ZER1: variants seen among roughly 807,000 people sequenced by gnomAD.
ZER1 encodes the protein zyg-11 related cell cycle regulator.
Under a neutral mutation model 78.8 loss-of-function variants are expected in ZER1, and 11 were observed. The ratio of observed to expected loss-of-function variants is 0.14; its 90% CI spans 0.09 to 0.23. The LOEUF (loss-of-function observed/expected upper bound fraction) is 0.23. ZER1 is among the 10% of genes least tolerant of loss of function. ZER1 has a pLI of 1.00. For missense variants in ZER1, 588 were observed against 996.9 expected, an observed-to-expected ratio of 0.59 and a Z score of 5.52; for synonymous variants, 400 against 407.0, an observed-to-expected ratio of 0.98 and a Z score of 0.21.
At chr9:128,761,611 T>G (rs1191409761) in intron 1 of ZER1, among the ~76,000 whole-genome samples, 11 of 145,298 alleles carry the variant, frequency 7.6e-5, no homozygotes, top group East Asian at 2.1e-4. Context: ...TTGTTTTTTT[T>G]TTTTTTTTTT....
intron 9 of ZER1, 52 bp downstream of exon 9, chr9:128,742,478 G>C (rs1863334988): frequency 3.8e-6 from 6 of 1,599,308 alleles, no homozygotes; most frequent in Non-Finnish European, 5.1e-6. Context: ...GTAGAGGGGT[G>C]GGGGAGAGCA....
In ZER1 at chr9:128,740,047, C is replaced by T; in HGVS notation, c.1926G>A (p.Met642Ile). Residue 642 changes from methionine (M) to isoleucine (I), a missense_variant, in exon 13 of 16, where the codon ATG becomes ATA. Transcript: ENST00000291900. The surrounding 1 kb of genome is among the most constrained non-coding windows in gnomAD (Gnocchi z 4.4). ...YNACGVLSHI[M>I]FDGPEAWGVC... ...CGCCCCAGGCCTCGGGTCCATCAAACATGATGTGGGAGAGGACGCCGCAGG... is the reference window on the plus strand; with the variant it reads ...CGCCCCAGGCCTCGGGTCCATCAAATATGATGTGGGAGAGGACGCCGCAGG... 1 of 1,614,040 alleles carries T rather than the reference C, an allele frequency of 6.2e-7. No individual in the cohort carries two copies. Among genetic ancestry groups the T allele is most frequent in the Non-Finnish European group, 8.5e-7 (1 of 1,179,952 alleles).
At chr9:128,741,939 A>G in intron 9 of ZER1, 98 bp from the exon 10 acceptor site, 1 of 1,491,530 alleles carries the variant, frequency 6.7e-7, no homozygotes, top group Non-Finnish European at 9.3e-7. Context: ...CGCCATGGCT[A>G]GTTCAGGAGT....
intron 1 of ZER1, among the ~76,000 whole-genome samples, chr9:128,770,858 T>C (rs79861197): frequency 0.024 from 3,701 of 152,162 alleles, 152 homozygotes; most frequent in African/African-American, 0.084. Context: ...AGACATTCCA[T>C]TCCCCTCCCC....
At chr9:128,739,167 C>T (rs1006052313) in intron 13 of ZER1, among the ~76,000 whole-genome samples, 1 of 151,766 alleles carries the variant, frequency 6.6e-6, no homozygotes, top group South Asian at 2.1e-4. Flanking sequence ...TAAAATTTTT[C>T]GTAAAGAGGA....
intron 9 of ZER1, 135 bp downstream of exon 9, chr9:128,742,395 A>G: frequency 9.9e-7 from 1 of 1,011,028 alleles, no homozygotes; most frequent in Admixed American, 2.2e-5. Context: ...TCTAGCCTAA[A>G]TCCCTCATGC....
intron 8 of ZER1, among the ~76,000 whole-genome samples, chr9:128,749,455 T>C (rs901034792): frequency 6.6e-6 from 1 of 152,086 alleles, no homozygotes; most frequent in Non-Finnish European, 1.5e-5. Context: ...ATATTGCCCA[T>C]CTGAAATGAA....
At chr9:128,734,067 G>A (rs1354401812) in intron 14 of ZER1, among the ~76,000 whole-genome samples, 1 of 98,362 alleles carries the variant, frequency 1.0e-5, no homozygotes, top group African/African-American at 3.6e-5. Context: ...GGCGGAGCTT[G>A]CAGTGAGTCG....
chr9:128,750,048 A>C (rs1309819387), intron 8 of ZER1, among the ~76,000 whole-genome samples: 1 of 152,206 alleles, frequency 6.6e-6, no homozygotes, highest in Non-Finnish European at 1.5e-5. Context: ...CATCTCAAAA[A>C]AGAAAAAAAT....
chr9:128,746,138 C>G (rs139658695), intron 8 of ZER1: 1 of 152,238 alleles, frequency 6.6e-6, no homozygotes, highest in East Asian at 1.9e-4. Context: ...CTGTGCCCGG[C>G]CTTTTTCAAA....
chr9:128,745,208 T>A, intron 8 of ZER1, among the ~76,000 whole-genome samples: 1 of 150,582 alleles, frequency 6.6e-6, no homozygotes, highest in East Asian at 1.9e-4. Context: ...GGTTTTTTTT[T>A]TTTTTTTTTT....
At chr9:128,746,220 G>A (rs1317876833) in intron 8 of ZER1, 1 of 152,202 alleles carries the variant, frequency 6.6e-6, no homozygotes, top group Non-Finnish European at 1.5e-5. Flanking sequence ...TAGGTCAAAA[G>A]ATAGATGCAT....
In ZER1 at chr9:128,755,996, G is replaced by C. The variant is rs750760611; in HGVS notation, c.-94-337C>G. ...GAGCTACACTGGGGTGTTCCATGCT[G>C]TGCAGTACTTCCTAACCTGTATACA... On this transcript the variant is annotated intron_variant, in intron 1 of 15. Transcript: ENST00000291900. This position sits in a 1 kb window ranked among gnomAD's most constrained non-coding sequence, Gnocchi z 5.6. 8.5e-5 allele frequency among the ~76,000 whole-genome samples: 13 copies of C among 152,180 alleles called. No homozygotes were observed. The highest frequency in any genetic ancestry group is 1.5e-4 in the Non-Finnish European group (10 of 68,042).
chr9:128,752,074 C>T (rs1863697193), intron 5 of ZER1, among the ~76,000 whole-genome samples: 1 of 152,180 alleles, frequency 6.6e-6, no homozygotes, highest in Non-Finnish European at 1.5e-5. Context: ...AGGTGCTGTT[C>T]CCTCTGCTAG....
intron 1 of ZER1, among the ~76,000 whole-genome samples, chr9:128,760,354 C>T (rs925684889): frequency 6.6e-6 from 1 of 152,120 alleles, no homozygotes; most frequent in Non-Finnish European, 1.5e-5. Context: ...AGGCGTGTGC[C>T]ACCACGCCCG....
In ZER1 at chr9:128,740,701, ACTGAGCAAAC is replaced by A; in HGVS notation, c.1853+61_1853+70del. 1 of 740,984 alleles carries A rather than the reference ACTGAGCAAAC, an allele frequency of 1.3e-6. No homozygotes were observed. Among genetic ancestry groups the A allele is most frequent in the Admixed American group, 1.9e-5 (1 of 51,594 alleles). 45.9% of individuals were successfully genotyped at this position (740,984 alleles called of 1,614,324 possible). A position where few individuals can be genotyped will look rare whatever the true frequency, so the allele number is the denominator to read the frequency against. ...AACCTAGGCTAAGAGCAGTTGTGCA[ACTGAGCAAAC>A]GCTAGAGCTCTGAGCATTGTGGCAG... is the stretch of plus-strand genomic sequence containing the variant. On this transcript the variant is annotated intron_variant, in intron 12 of 15. Transcript: ENST00000291900. This position sits in a 1 kb window ranked among gnomAD's most constrained non-coding sequence, Gnocchi z 4.4.
intron 1 of ZER1, among the ~76,000 whole-genome samples, chr9:128,758,032 A>T (rs950020217): frequency 6.6e-6 from 1 of 152,130 alleles, no homozygotes; most frequent in Non-Finnish European, 1.5e-5. Flanking sequence ...TTCATCTACT[A>T]AATACTGCAT....
intron 7 of ZER1, 76 bp from the exon 8 acceptor site, chr9:128,750,865 T>C: frequency 6.3e-7 from 1 of 1,576,992 alleles, no homozygotes. Flanking sequence ...TGGAACAGGC[T>C]CTCTGGGGCA....
chr9:128,731,282 A>G lies in ZER1; in HGVS notation c.*55T>C. 1.3e-6 allele frequency: 2 copies of G among 1,587,036 alleles called. No individual in the cohort carries two copies. The highest frequency in any genetic ancestry group is 1.1e-5 in the South Asian group (1 of 89,082). On this transcript the variant is annotated 3_prime_UTR_variant, in exon 16 of 16. Transcript: ENST00000291900. ...GGCCCGCCCGCTGGGCTGCTTGAGC[A>G]TGCTTCCTCCCCGCCTGTGGTCCAG...
Sources: gnomAD v4.1 joint callset for allele counts (sites outside exome capture counted in the v4.1 genomes callset) on GRCh38, gnomAD v4.1.1 for gene constraint, Gnocchi (gnomAD v3.1) non-coding constraint, MANE v1.5 for transcripts, NCBI Gene and HGNC (gene_info 2026-07-23, HGNC 2026-07-21) for gene names.